The following MYRIP variants were observed in gnomAD, a reference collection of about 807,000 sequenced individuals.
MYRIP encodes the protein rab effector MyRIP.
MYRIP carries 49 observed loss-of-function variants against 98.0 expected under a neutral mutation model. That is an observed-to-expected ratio of 0.50 (90% CI 0.40 to 0.63). The LOEUF is 0.63. MYRIP is among the 30% of genes least tolerant of loss of function. MYRIP has a pLI of 0.00. For missense variants in MYRIP, 1,004 were observed against 1,058.2 expected (o/e 0.95, Z 0.71); for synonymous variants, 404 against 409.5 (o/e 0.99, Z 0.16).
At chr3:39,973,806 T>C (rs1301604109) in intron 2 of MYRIP, among the ~76,000 whole-genome samples, 1 of 152,162 alleles carries the variant, frequency 6.6e-6, no homozygotes, top group African/African-American at 2.4e-5. Context: ...AACTACTGGG[T>C]ACATAACGAA....
intron 4 of MYRIP, 95 bp from the exon 5 acceptor site, chr3:40,162,635 T>C: frequency 9.5e-7 from 1 of 1,057,350 alleles, no homozygotes; most frequent in Non-Finnish European, 1.5e-6. Flanking sequence ...AAGTGTGTAA[T>C]AGTGGTCTGC....
intron 2 of MYRIP, among the ~76,000 whole-genome samples, chr3:39,968,946 C>T (rs995876679): frequency 2.6e-5 from 4 of 152,056 alleles, no homozygotes; most frequent in Non-Finnish European, 5.9e-5. Context: ...ATTGATTTTT[C>T]CTATCCATGA....
rs573094984 is a variant in MYRIP at position 39,956,270 on chromosome 3, A to G, written c.110+55344A>G. Among the ~76,000 whole-genome samples the G allele has an allele frequency of 3.3e-5, 5 of 152,322 alleles. No homozygotes were observed. In the East Asian group the frequency reaches 9.6e-4, roughly 29 times the overall value. ...GCACTTATTCCAAAATCGACCACAT[A>G]GTTGGAAGTAAAGCACTCCTCAGCA... On this transcript the variant is annotated intron_variant, in intron 2 of 16. Transcript: ENST00000302541.
intron 3 of MYRIP, among the ~76,000 whole-genome samples, chr3:40,110,881 GGTGTGTGTGT>G (rs58040369): frequency 0.047 from 6,883 of 147,670 alleles, 268 homozygotes; most frequent in African/African-American, 0.11. Context: ...TTCATGAAGG[GGTGTGTGTGT>G]GTGTGTGTGT....
At chr3:40,104,282 A>T (rs915245712) in intron 3 of MYRIP, among the ~76,000 whole-genome samples, 4 of 152,188 alleles carry the variant, frequency 2.6e-5, no homozygotes, top group Non-Finnish European at 5.9e-5. Context: ...TTAGTGTCAT[A>T]CTTAGAAAAA....
At chr3:39,823,481 G>T (rs1941175766) in intron 1 of MYRIP, among the ~76,000 whole-genome samples, 1 of 152,122 alleles carries the variant, frequency 6.6e-6, no homozygotes, top group Admixed American at 6.5e-5. Context: ...CAGTATGTAA[G>T]TGTTTTCTTT....
intron 2 of MYRIP, among the ~76,000 whole-genome samples, chr3:39,973,623 T>C (rs62264386): frequency 6.6e-6 from 1 of 152,074 alleles, no homozygotes; most frequent in African/African-American, 2.4e-5. Flanking sequence ...CACACCACAC[T>C]TATTCCAAAA....
chr3:39,967,246 C>A (rs1267031398), intron 2 of MYRIP, among the ~76,000 whole-genome samples: 12 of 152,120 alleles, frequency 7.9e-5, no homozygotes, highest in African/African-American at 1.9e-4. Context: ...CTCTTCTCAT[C>A]CTCCCTGCTC....
chr3:40,121,644 C>A (rs1184208690), intron 3 of MYRIP, among the ~76,000 whole-genome samples: 1 of 151,982 alleles, frequency 6.6e-6, no homozygotes. Context: ...CCAGGTGCCC[C>A]ACTGGTGCAA....
chr3:39,817,753 T>C (rs548817425), intron 1 of MYRIP, among the ~76,000 whole-genome samples: 90 of 152,286 alleles, frequency 5.9e-4, no homozygotes, highest in Non-Finnish European at 9.9e-4. Flanking sequence ...ATGTATTGTA[T>C]AGTGTGGTTC....
intron 3 of MYRIP, among the ~76,000 whole-genome samples, chr3:40,057,998 T>C (rs953045544): frequency 2.0e-5 from 3 of 152,204 alleles, no homozygotes; most frequent in African/African-American, 7.2e-5. Context: ...CTGCAATGAC[T>C]CAGAGCTATT....
At chr3:40,000,147 G>T (rs1946484587) in intron 2 of MYRIP, among the ~76,000 whole-genome samples, 1 of 151,770 alleles carries the variant, frequency 6.6e-6, no homozygotes, top group African/African-American at 2.4e-5. Flanking sequence ...TGCACGTTGT[G>T]CACATGTACC....
chr3:40,204,580 A>G (rs529866856), intron 10 of MYRIP, among the ~76,000 whole-genome samples: 2 of 152,200 alleles, frequency 1.3e-5, no homozygotes, highest in South Asian at 4.1e-4. Flanking sequence ...GTAGCTAGGA[A>G]TGTAAATCAA....
At chr3:39,880,194 C>A (rs1238090397) in intron 1 of MYRIP, among the ~76,000 whole-genome samples, 1 of 152,154 alleles carries the variant, frequency 6.6e-6, no homozygotes, top group Admixed American at 6.5e-5. Context: ...TTTCCTAATG[C>A]TATCCCTTCC....
rs767496955 is a variant in MYRIP, at chr3:40,170,105, A to G, written c.873+12A>G. 1 of 1,613,858 alleles carries G rather than the reference A, an allele frequency of 6.2e-7. No homozygotes were observed. Among genetic ancestry groups the G allele is most frequent in the Non-Finnish European group, 8.5e-7 (1 of 1,179,970 alleles). ...CCGCTGCCCTCTGGGTGAGTCCCCA[A>G]GCAGTGCTGGTCTACCCTCCACACG... On this transcript the variant is annotated intron_variant, in intron 8 of 16. Transcript: ENST00000302541.
chr3:40,244,235 G>C (rs1032528966), intron 12 of MYRIP, among the ~76,000 whole-genome samples: 1 of 152,172 alleles, frequency 6.6e-6, no homozygotes, highest in African/African-American at 2.4e-5. Flanking sequence ...GAAAGTTTGT[G>C]GGAGAGGGAA....
At chr3:39,874,137 G>A (rs1315674728) in intron 1 of MYRIP, among the ~76,000 whole-genome samples, 1 of 151,920 alleles carries the variant, frequency 6.6e-6, no homozygotes, top group East Asian at 1.9e-4. Context: ...TTGGCTCTCT[G>A]TTTGTCTGTT....
chr3:39,870,342 TG>T (rs1942748330), intron 1 of MYRIP, among the ~76,000 whole-genome samples: 1 of 146,862 alleles, frequency 6.8e-6, no homozygotes. Context: ...CAAGCACCAT[TG>T]TTCCAATTTG....
At position 40,093,222 on chromosome 3, in the gene MYRIP, A is replaced by G. The variant is rs1948760540; in HGVS notation, c.332+48951A>G. Among the ~76,000 whole-genome samples the G allele has an allele frequency of 2.6e-5, 4 of 152,246 alleles. No individual in the cohort carries two copies. In the South Asian group the frequency reaches 6.2e-4, roughly 24 times the overall value. ...GTTCAGTGTCATCGGGCTAGACAAG[A>G]TATCCACCTTATGTACAGTCCAGTG... On this transcript the variant is annotated intron_variant, in intron 3 of 16. Coordinates refer to ENST00000302541, the MANE Select transcript of MYRIP (RefSeq NM_015460.4).
Sources: gnomAD v4.1 joint callset for allele counts (sites outside exome capture counted in the v4.1 genomes callset) on GRCh38, gnomAD v4.1.1 for gene constraint, MANE v1.5 for transcripts, NCBI Gene and HGNC (gene_info 2026-07-23, HGNC 2026-07-21) for gene names.